USH2A: variants seen among roughly 807,000 people sequenced by gnomAD.
USH2A encodes usherin, also known as Usher syndrome 2A (autosomal recessive, mild).
In USH2A, 443 loss-of-function variants were observed where a neutral mutation model predicts 538.9. The observed-to-expected ratio is 0.82, with a 90% CI of 0.76 to 0.89. USH2A has a LOEUF of 0.89. Among genes scored for constraint, USH2A ranks in the 40% least tolerant of loss-of-function variants. The pLI is 0.00. For synonymous variants in USH2A, 2,413 were observed against 2,273.5 expected, an observed-to-expected ratio of 1.06 and a Z score of -1.75; for missense variants, 6,633 against 6,324.8, an observed-to-expected ratio of 1.05 and a Z score of -1.65.
At chr1:215,955,635 G>T (rs594257) in intron 37 of USH2A, among the ~76,000 whole-genome samples, 128,096 of 152,158 alleles carry the variant, frequency 0.84, 54,116 homozygotes, top group East Asian at 0.98. Flanking sequence ...TTTGCAACCC[G>T]ATTTATAAAT....
At chr1:216,106,151 A>G (rs918303707) in intron 21 of USH2A, among the ~76,000 whole-genome samples, 5 of 147,924 alleles carry the variant, frequency 3.4e-5, no homozygotes, top group Non-Finnish European at 7.5e-5. Flanking sequence ...AACATGCACT[A>G]TTTCACTTTT....
At chr1:216,222,079 T>TCAC (rs2035466499) in intron 14 of USH2A, among the ~76,000 whole-genome samples, 1 of 152,140 alleles carries the variant, frequency 6.6e-6, no homozygotes, top group Non-Finnish European at 1.5e-5. Context: ...CGCAGAGAAA[T>TCAC]GTATAGGGTA....
intron 4 of USH2A, among the ~76,000 whole-genome samples, chr1:216,347,367 C>G (rs61828104): frequency 6.6e-6 from 1 of 151,982 alleles, no homozygotes; most frequent in Non-Finnish European, 1.5e-5. Context: ...TTATGATGAC[C>G]TGGAATTATA....
intron 21 of USH2A, among the ~76,000 whole-genome samples, chr1:216,146,116 C>G (rs567540919): frequency 1.3e-5 from 2 of 152,210 alleles, no homozygotes; most frequent in African/African-American, 2.4e-5. Flanking sequence ...TCCTCCTGCT[C>G]TTTGCTCTGT....
intron 49 of USH2A, among the ~76,000 whole-genome samples, chr1:215,804,798 G>A: frequency 6.6e-6 from 1 of 152,114 alleles, no homozygotes; most frequent in African/African-American, 2.4e-5. Flanking sequence ...ATACTCAAAG[G>A]ATTGTAAATC....
intron 40 of USH2A, among the ~76,000 whole-genome samples, chr1:215,892,844 G>C (rs749933987): frequency 2.0e-4 from 31 of 152,160 alleles, no homozygotes; most frequent in Admixed American, 6.5e-4. Flanking sequence ...CTAAAAGGCT[G>C]TTGGAATTGG....
chr1:216,298,043 T>A lies in USH2A; in HGVS notation c.1645-5673A>T, dbSNP rs556170629. ...AAAAACCCTATTCCATCGTAAAACT[T>A]TTGCCAAAGGCAAAATTTTGCTGTA... On this transcript the variant is annotated intron_variant, in intron 9 of 71. Transcript: ENST00000307340. 3.3e-5 allele frequency among the ~76,000 whole-genome samples: 5 copies of A among 152,312 alleles called. No individual in the cohort carries two copies. In the East Asian group the frequency reaches 5.8e-4, roughly 18 times the overall value.
intron 22 of USH2A, among the ~76,000 whole-genome samples, chr1:216,090,645 A>G (rs548645603): frequency 1.3e-5 from 2 of 152,190 alleles, no homozygotes; most frequent in South Asian, 2.1e-4. Context: ...CAACATTTTA[A>G]TATTTTACAA....
chr1:216,387,693 A>G (rs2039030278), intron 3 of USH2A, among the ~76,000 whole-genome samples: 1 of 152,208 alleles, frequency 6.6e-6, no homozygotes, highest in Non-Finnish European at 1.5e-5. Flanking sequence ...AATACCCTTT[A>G]TAGATCCTCA....
At chr1:216,225,144 G>A (rs967294960) in intron 14 of USH2A, among the ~76,000 whole-genome samples, 3 of 151,960 alleles carry the variant, frequency 2.0e-5, no homozygotes, top group South Asian at 2.1e-4. Context: ...TCTTATACTT[G>A]ATGGAATCCC....
At chr1:216,149,810 C>T (rs140351344) in intron 21 of USH2A, among the ~76,000 whole-genome samples, 3,639 of 152,132 alleles carry the variant, frequency 0.024, 133 homozygotes, top group African/African-American at 0.082. Context: ...CTCAATGGAC[C>T]GGACCCTACT....
chr1:215,720,835 C>A (rs1659637012), intron 61 of USH2A, among the ~76,000 whole-genome samples: 1 of 152,044 alleles, frequency 6.6e-6, no homozygotes, highest in Non-Finnish European at 1.5e-5. Context: ...CCTATATAAC[C>A]CACAGAGAAA....
At chr1:216,113,241 T>A (rs1032676023) in intron 21 of USH2A, among the ~76,000 whole-genome samples, 1 of 151,716 alleles carries the variant, frequency 6.6e-6, no homozygotes, top group African/African-American at 2.4e-5. Flanking sequence ...GAATAGCCCA[T>A]AGATTCCTAC....
At position 216,264,929 on chromosome 1, in the gene USH2A, A is replaced by G. The variant is rs144049122; in HGVS notation, c.1972-13831T>C. Among the ~76,000 whole-genome samples, 169 of 152,148 alleles carry G rather than the reference A, an allele frequency of 1.1e-3. 1 individual carries two copies. The highest frequency in any genetic ancestry group is 3.9e-3 in the African/African-American group (161 of 41,526). On this transcript the variant is annotated intron_variant, in intron 11 of 71. Transcript: ENST00000307340. The stretch of plus-strand genomic sequence containing the variant: ...CAAAAATCCACTCAAAATGGACTAA[A>G]CTCTTCAACGTAAGACCCAAAACTA...
At chr1:215,659,150 A>G (rs1358458213) in intron 64 of USH2A, among the ~76,000 whole-genome samples, 25 of 152,198 alleles carry the variant, frequency 1.6e-4, no homozygotes, top group Admixed American at 1.6e-3. Flanking sequence ...AAATGATGAG[A>G]TTGTAGGGTG....
At chr1:216,296,768 G>T in intron 9 of USH2A, among the ~76,000 whole-genome samples, 1 of 151,776 alleles carries the variant, frequency 6.6e-6, no homozygotes, top group Non-Finnish European at 1.5e-5. Context: ...GTCAGCTATG[G>T]GTCTTTAGCC....
intron 55 of USH2A, among the ~76,000 whole-genome samples, chr1:215,776,596 A>G (rs1334066469): frequency 6.6e-6 from 1 of 152,154 alleles, no homozygotes; most frequent in Non-Finnish European, 1.5e-5. Context: ...GACTAGTGCT[A>G]CAGCTTTATT....
chr1:216,402,258 A>C (rs564249908), intron 3 of USH2A, among the ~76,000 whole-genome samples: 1 of 152,154 alleles, frequency 6.6e-6, no homozygotes, highest in Non-Finnish European at 1.5e-5. Flanking sequence ...CAGAATTATA[A>C]TATTTAAAAT....
chr1:216,194,795 T>C (rs1558309369), intron 19 of USH2A, among the ~76,000 whole-genome samples: 2 of 152,116 alleles, frequency 1.3e-5, no homozygotes, highest in African/African-American at 2.4e-5. Flanking sequence ...AATACTGTTC[T>C]GAGAAATTTA....
Sources: gnomAD v4.1 joint callset for allele counts (sites outside exome capture counted in the v4.1 genomes callset) on GRCh38, gnomAD v4.1.1 for gene constraint, MANE v1.5 for transcripts, NCBI Gene and HGNC (gene_info 2026-07-23, HGNC 2026-07-21) for gene names.